Variants in MLPH observed in about 807,000 individuals in gnomAD.
MLPH encodes exophilin-3.
In MLPH, 51 loss-of-function variants were observed where a neutral mutation model predicts 72.1. That is an observed-to-expected ratio of 0.71 (90% confidence interval 0.56 to 0.89). MLPH has a LOEUF of 0.89. MLPH is among the 40% of genes least tolerant of loss of function. The pLI, the probability that MLPH is intolerant of heterozygous loss-of-function variation, is 0.00. For missense variants in MLPH, 743 were observed against 759.9 expected (o/e 0.98, Z 0.26); for synonymous variants, 301 against 310.1 (o/e 0.97, Z 0.31).
At chr2:237,503,539 G>T (rs543705294) in intron 2 of MLPH, among the ~76,000 whole-genome samples, 1 of 152,146 alleles carries the variant, frequency 6.6e-6, no homozygotes, top group Non-Finnish European at 1.5e-5. Flanking sequence ...TCTGCCAGCC[G>T]TTAGCCCTGA....
intron 12 of MLPH, among the ~76,000 whole-genome samples, chr2:237,546,227 G>A (rs149193854): frequency 2.0e-5 from 3 of 152,186 alleles, no homozygotes; most frequent in South Asian, 2.1e-4. Flanking sequence ...TTACAGAAGC[G>A]ATAGGGGAAA....
In MLPH at chr2:237,518,629, C is replaced by T. The variant is rs1328024021; in HGVS notation, c.536C>T (p.Ala179Val). Residue 179 changes from alanine to valine, a missense_variant, in exon 5 of 16, where the codon GCC becomes GTC. Transcript: ENST00000264605. ...CCTGGCTCAGAGGCCCAGGCCCAGG[C>T]CCAGCCCTTTGGCAGCAAAGTAAGT... ...GEPGSEAQAQ[A>V]QPFGSKKKRL... 1 of 1,613,120 alleles carries T rather than the reference C, an allele frequency of 6.2e-7. No individual in the cohort carries two copies. The highest frequency in any genetic ancestry group is 8.5e-7 in the Non-Finnish European group (1 of 1,179,736).
In MLPH at chr2:237,552,394, G is replaced by A; in HGVS notation, c.1733G>A (p.Arg578Lys). ...KSVYRGSLTQ[R>K]NPNARKGMAS... is the part of the protein sequence containing the mutation. The stretch of plus-strand genomic sequence containing the variant: ...GTGTACCGAGGCTCGCTGACACAGA[G>A]AAACCCCAACGCGAGGAAAGGAATG... The change falls in exon 15 of 16, where the codon AGA becomes AAA. Residue 578 changes from arginine (R) to lysine (K), a missense_variant. Arg to Lys is a conservative substitution (Grantham distance 26). Coordinates refer to ENST00000264605, the MANE Select transcript of MLPH (RefSeq NM_024101.7). 6.2e-7 allele frequency: 1 copy of A among 1,614,094 alleles called. No homozygotes were observed. The highest frequency in any genetic ancestry group is 1.1e-5 in the South Asian group (1 of 91,068).
chr2:237,505,818 T>C lies in MLPH; in HGVS notation c.111-4756T>C, dbSNP rs2079756533. ...GACAGGAGTGCCCCCTTGGCTCTGT[T>C]CTGCCCCACCAGTCACAGCTCTGGC... is the stretch of plus-strand genomic sequence containing the variant. On this transcript the variant is annotated intron_variant, in intron 2 of 15. Transcript: ENST00000264605. This position sits in a 1 kb window ranked among gnomAD's most constrained non-coding sequence, Gnocchi z 4.5. 6.6e-6 allele frequency among the ~76,000 whole-genome samples: 1 copy of C among 152,206 alleles called. No individual in the cohort carries two copies. The highest frequency in any genetic ancestry group is 1.5e-5 in the Non-Finnish European group (1 of 68,026).
At chr2:237,552,510 G>C in intron 15 of MLPH, 73 bp downstream of exon 15, 1 of 1,280,166 alleles carries the variant, frequency 7.8e-7, no homozygotes, top group African/African-American at 1.5e-5. Flanking sequence ...TTAAAATTAA[G>C]TCTTCAGAGC....
At chr2:237,548,643 C>T (rs947674607) in intron 13 of MLPH, among the ~76,000 whole-genome samples, 5 of 152,018 alleles carry the variant, frequency 3.3e-5, no homozygotes, top group African/African-American at 9.7e-5. Flanking sequence ...CCGAGGTGGG[C>T]GGATCACAAG....
chr2:237,549,019 C>T (rs188062117), intron 13 of MLPH, among the ~76,000 whole-genome samples: 87 of 152,358 alleles, frequency 5.7e-4, no homozygotes, highest in African/African-American at 2.1e-3. Context: ...CAAAGCTGAG[C>T]ATCTCTTATT....
rs1043613374 is a variant in MLPH at position 237,541,613 on chromosome 2, G to A, written c.1446+656G>A. On this transcript the variant is annotated intron_variant, in intron 11 of 15. Transcript: ENST00000264605. This position sits in a 1 kb window ranked among gnomAD's most constrained non-coding sequence, Gnocchi z 5.1. ...TCCCCTAGAGCTGTTCAAGGGGAGC[G>A]AGTCAGGCTCTGGACTTTCCCTTCA... Among the ~76,000 whole-genome samples, 6 of 152,214 alleles carry A rather than the reference G, an allele frequency of 3.9e-5. No homozygotes were observed. The highest frequency in any genetic ancestry group is 1.9e-4 in the East Asian group (1 of 5,194).
intron 4 of MLPH, chr2:237,517,971 T>G: frequency 5.0e-6 from 1 of 200,822 alleles, no homozygotes; most frequent in Non-Finnish European, 1.0e-5. Context: ...CACTGATTGA[T>G]TGAGTGGATG....
intron 10 of MLPH, 43 bp downstream of exon 10, chr2:237,540,576 T>A: frequency 6.3e-7 from 1 of 1,583,168 alleles, no homozygotes; most frequent in Non-Finnish European, 8.6e-7. Flanking sequence ...CCTGCAGAGG[T>A]AGGGGCAGGG....
intron 7 of MLPH, among the ~76,000 whole-genome samples, chr2:237,526,565 G>T (rs2080309754): frequency 6.6e-6 from 1 of 152,186 alleles, no homozygotes. Context: ...AAGCCACAGG[G>T]TGCAGACCTG....
chr2:237,539,321 C>T (rs116435931), intron 9 of MLPH, among the ~76,000 whole-genome samples: 2,587 of 152,196 alleles, frequency 0.017, 30 homozygotes, highest in Middle Eastern at 0.031. Context: ...CCGGGGGCCT[C>T]GCGTAGGCAG....
chr2:237,501,234 C>G (rs571283835), intron 2 of MLPH, among the ~76,000 whole-genome samples: 1 of 152,144 alleles, frequency 6.6e-6, no homozygotes. Context: ...GACCATGGAA[C>G]GACTCCACAG....
intron 12 of MLPH, among the ~76,000 whole-genome samples, chr2:237,544,484 TG>T (rs1301123913): frequency 2.9e-4 from 7 of 24,000 alleles, no homozygotes; most frequent in African/African-American, 4.2e-4. Context: ...CAGTGGTGAG[TG>T]GGGGGGACAG....
chr2:237,549,561 G>A (rs2080991598), intron 14 of MLPH, among the ~76,000 whole-genome samples: 1 of 152,200 alleles, frequency 6.6e-6, no homozygotes, highest in Admixed American at 6.5e-5. Context: ...TTGTCCTAAC[G>A]TGGTACACAG....
intron 2 of MLPH, among the ~76,000 whole-genome samples, chr2:237,498,248 A>G (rs1192257975): frequency 6.6e-6 from 1 of 152,262 alleles, no homozygotes; most frequent in African/African-American, 2.4e-5. Context: ...TTATCAAACC[A>G]AAGAAAATGC....
At chr2:237,517,636 G>T (rs2080071209) in intron 4 of MLPH, among the ~76,000 whole-genome samples, 2 of 146,726 alleles carry the variant, frequency 1.4e-5, no homozygotes, top group Admixed American at 1.3e-4. Flanking sequence ...TGAATGGATG[G>T]ATAGGCAGGT....
intron 4 of MLPH, among the ~76,000 whole-genome samples, chr2:237,517,241 G>A (rs978305345): frequency 7.9e-5 from 12 of 151,258 alleles, no homozygotes; most frequent in Admixed American, 1.3e-4. Context: ...ATAGGTAGGC[G>A]GAGGGGTGGA....
chr2:237,534,404 G>C (rs1203743660), intron 8 of MLPH, among the ~76,000 whole-genome samples, 160 bp from the exon 9 acceptor site: 1 of 152,156 alleles, frequency 6.6e-6, no homozygotes, highest in African/African-American at 2.4e-5. Flanking sequence ...TGTTAGAAAT[G>C]GGTTTCACAA....
Sources: gnomAD v4.1 joint callset for allele counts (sites outside exome capture counted in the v4.1 genomes callset) on GRCh38, gnomAD v4.1.1 for gene constraint, Gnocchi (gnomAD v3.1) non-coding constraint, MANE v1.5 for transcripts, NCBI Gene and HGNC (gene_info 2026-07-23, HGNC 2026-07-21) for gene names.